Variants in PHACTR4 observed in about 807,000 individuals in gnomAD.
The protein encoded by PHACTR4 is phosphatase and actin regulator 4.
A neutral mutation model predicts 72.7 loss-of-function variants in PHACTR4; 51 were observed. The ratio of observed to expected loss-of-function variants is 0.70; its 90% CI spans 0.56 to 0.89. The LOEUF is 0.89. PHACTR4 is among the 40% of genes least tolerant of loss of function. The pLI is 0.00. For missense variants in PHACTR4, 731 were observed against 861.8 expected, an observed-to-expected ratio of 0.85 and a Z score of 1.90; for synonymous variants, 255 against 302.5, an observed-to-expected ratio of 0.84 and a Z score of 1.63.
At chr1:28,406,887 C>T (rs1422476739) in intron 1 of PHACTR4, among the ~76,000 whole-genome samples, 1 of 152,144 alleles carries the variant, frequency 6.6e-6, no homozygotes, top group Non-Finnish European at 1.5e-5. Flanking sequence ...TCTAAAATAA[C>T]TTCCATTTTC....
chr1:28,492,221 G>A (rs190825641), intron 12 of PHACTR4, among the ~76,000 whole-genome samples: 6 of 152,196 alleles, frequency 3.9e-5, no homozygotes, highest in East Asian at 1.9e-4. Context: ...GGGATCACTC[G>A]AGGTAAGGAG....
At chr1:28,400,377 A>T (rs1447271908) in intron 1 of PHACTR4, among the ~76,000 whole-genome samples, 3 of 54,972 alleles carry the variant, frequency 5.5e-5, no homozygotes, top group Admixed American at 1.5e-4. Flanking sequence ...CATCTCAATT[A>T]AAAAAAAAAA....
At chr1:28,397,915 A>C (rs1384628702) in intron 1 of PHACTR4, among the ~76,000 whole-genome samples, 1 of 151,710 alleles carries the variant, frequency 6.6e-6, no homozygotes, top group Non-Finnish European at 1.5e-5. Context: ...GGTTTTCACC[A>C]TTTGGGCCAG....
At chr1:28,458,097 GGTGTGTGTGTTTGTGT>G (rs756822662) in intron 2 of PHACTR4, among the ~76,000 whole-genome samples, 5,986 of 135,238 alleles carry the variant, frequency 0.044, 237 homozygotes, top group African/African-American at 0.093. Context: ...TTAATATTAT[GGTGTGTGTGTTTGTGT>G]GTGTGTGTGT....
chr1:28,478,920 C>T (rs1660093266), intron 8 of PHACTR4, among the ~76,000 whole-genome samples: 1 of 152,138 alleles, frequency 6.6e-6, no homozygotes, highest in African/African-American at 2.4e-5. Context: ...CCTCATTTGG[C>T]CTATTTTCAG....
chr1:28,472,743 A>G (rs1437837541), intron 6 of PHACTR4, among the ~76,000 whole-genome samples: 1 of 150,114 alleles, frequency 6.7e-6, no homozygotes, highest in Non-Finnish European at 1.5e-5. Flanking sequence ...AGCTGGGATT[A>G]TAGGTGCCCA....
intron 4 of PHACTR4, among the ~76,000 whole-genome samples, chr1:28,461,535 G>A (rs941069208): frequency 1.1e-4 from 16 of 152,236 alleles, no homozygotes; most frequent in African/African-American, 2.9e-4. Context: ...TAAACCATGC[G>A]AATATATTGC....
chr1:28,411,004 G>A (rs529311110), intron 2 of PHACTR4, among the ~76,000 whole-genome samples: 10 of 151,602 alleles, frequency 6.6e-5, no homozygotes, highest in African/African-American at 2.2e-4. Flanking sequence ...CACCATGCCC[G>A]GCTGAGATTA....
At chr1:28,380,719 C>A (rs12567032) in intron 1 of PHACTR4, among the ~76,000 whole-genome samples, 3 of 152,050 alleles carry the variant, frequency 2.0e-5, no homozygotes, top group Non-Finnish European at 4.4e-5. Context: ...GTATACATAC[C>A]ACCTTTTCTT....
intron 2 of PHACTR4, among the ~76,000 whole-genome samples, chr1:28,448,086 A>T (rs1657607339): frequency 1.3e-5 from 2 of 152,252 alleles, no homozygotes; most frequent in South Asian, 4.1e-4. Flanking sequence ...TGATACTGTG[A>T]AAAGGTTGTT....
chr1:28,446,677 G>A (rs763844836), intron 2 of PHACTR4, among the ~76,000 whole-genome samples: 2 of 152,098 alleles, frequency 1.3e-5, no homozygotes, highest in African/African-American at 2.4e-5. Flanking sequence ...TATTCAGGAG[G>A]CTGAGGCAGG....
intron 2 of PHACTR4, among the ~76,000 whole-genome samples, chr1:28,447,344 A>G (rs1657556271): frequency 6.6e-6 from 1 of 151,200 alleles, no homozygotes. Context: ...GCAAGAATGG[A>G]CTAATAGACC....
At chr1:28,492,341 G>A (rs1661087373) in intron 12 of PHACTR4, among the ~76,000 whole-genome samples, 1 of 151,998 alleles carries the variant, frequency 6.6e-6, no homozygotes, top group African/African-American at 2.4e-5. Flanking sequence ...GAAGGCTGAA[G>A]CAGGAGAATT....
intron 8 of PHACTR4, 75 bp from the exon 9 acceptor site, chr1:28,480,376 G>C (rs1660203634): frequency 6.5e-7 from 1 of 1,534,888 alleles, no homozygotes. Flanking sequence ...TCAGACTCTT[G>C]ACTAGCTCCA....
rs765467109 is a variant in PHACTR4 at position 28,466,718 on chromosome 1, C to T, written c.773C>T (p.Pro258Leu). 6 of 1,613,802 alleles carry T rather than the reference C, an allele frequency of 3.7e-6. No individual in the cohort carries two copies. The highest frequency in any genetic ancestry group is 1.3e-5 in the African/African-American group (1 of 74,904). Residue 258 changes from proline to leucine, a missense_variant, in exon 6 of 14, where the codon CCC (proline) becomes CTC (leucine). Pro to Leu is a moderately conservative substitution (Grantham distance 98). Transcript: ENST00000373839. The stretch of plus-strand genomic sequence containing the variant: ...ACTCATATGGTCCCTGCCAAGCAGC[C>T]CCCTATCCCTCCCCCTAAACCAGCT... Reference protein sequence around the residue: ...SLTHMVPAKQPPIPPPKPAHR... With the variant: ...SLTHMVPAKQLPIPPPKPAHR...
intron 2 of PHACTR4, among the ~76,000 whole-genome samples, chr1:28,422,242 G>A (rs1655555329): frequency 6.6e-6 from 1 of 152,036 alleles, no homozygotes; most frequent in Admixed American, 6.6e-5. Flanking sequence ...TCACATCCAT[G>A]GATTTAACCA....
intron 10 of PHACTR4, chr1:28,489,752 C>T (rs1557851179): frequency 3.9e-6 from 2 of 518,704 alleles, no homozygotes; most frequent in Non-Finnish European, 7.7e-6. Context: ...TAATCTAGTA[C>T]ATATTTCATT....
Position 28,487,726 on chromosome 1 carries a change from TG to T in PHACTR4, c.1761-1443del, listed in dbSNP as rs1318515351. 4.6e-4 allele frequency among the ~76,000 whole-genome samples: 51 copies of T among 110,494 alleles called. 3 individuals are homozygous for T. Among genetic ancestry groups the T allele is most frequent in the African/African-American group, 1.9e-3 (44 of 23,618 alleles). 72.5% of individuals were successfully genotyped at this position (110,494 alleles called of 152,430 possible). ...AAAATGACAAATTGTAGTTTTTTGT[TG>T]TTTTTTTTTTTTTTTTTTTTTTTTT... On this transcript the variant is annotated intron_variant, in intron 9 of 13. Coordinates refer to ENST00000373839, the MANE Select transcript of PHACTR4 (RefSeq NM_001048183.3).
At chr1:28,492,741 C>T (rs1397848762) in intron 12 of PHACTR4, among the ~76,000 whole-genome samples, 6 of 152,068 alleles carry the variant, frequency 3.9e-5, no homozygotes, top group Admixed American at 3.3e-4. Context: ...GCCCCAGCAA[C>T]GGAGCGAGAT....
Sources: gnomAD v4.1 joint callset for allele counts (sites outside exome capture counted in the v4.1 genomes callset) on GRCh38, gnomAD v4.1.1 for gene constraint, MANE v1.5 for transcripts, NCBI Gene and HGNC (gene_info 2026-07-23, HGNC 2026-07-21) for gene names.